Variants in TFEC observed in about 807,000 individuals in gnomAD.
The protein encoded by TFEC is transcription factor EC, also known as class E basic helix-loop-helix protein 34.
In TFEC, 31 loss-of-function variants were observed where a neutral mutation model predicts 41.6. The ratio of observed to expected loss-of-function variants is 0.74; its 90% CI spans 0.56 to 1.01. TFEC has a LOEUF of 1.01. TFEC is among the 50% of genes least tolerant of loss of function. The pLI is 0.00. For missense variants in TFEC, 402 were observed against 404.1 expected (o/e 0.99, Z 0.04); for synonymous variants, 143 against 140.6 (o/e 1.02, Z -0.12).
rs772907166 is a variant in TFEC, at chr7:115,940,755, T to C, written c.840A>G (p.Ile280Met). ...GPSPELCDQA[I>M]AFSDPLSYFT... ...AGTATGACAAAGGATCAGAAAAGGC[T>C]ATAGCTTGATCACAGAGCTCAGGGC... Residue 280 changes from isoleucine to methionine, a missense_variant, in exon 8 of 8, where the codon ATA becomes ATG. Transcript: ENST00000265440. The C allele has an allele frequency of 1.2e-6, 2 of 1,613,486 alleles. No individual in the cohort carries two copies. Among genetic ancestry groups the C allele is most frequent in the African/African-American group, 1.3e-5 (1 of 74,956 alleles).
At chr7:116,097,532 C>T (rs1797495142) in intron 3 of TFEC, among the ~76,000 whole-genome samples, 3 of 151,988 alleles carry the variant, frequency 2.0e-5, no homozygotes, top group South Asian at 2.1e-4. Context: ...AATCTGATAA[C>T]GAAAATGGCT....
chr7:116,029,324 A>G (rs1016018357), intron 1 of TFEC, among the ~76,000 whole-genome samples: 2 of 152,186 alleles, frequency 1.3e-5, no homozygotes, highest in African/African-American at 4.8e-5. Context: ...TCCATCCAAA[A>G]GTAAAATATT....
intron 1 of TFEC, among the ~76,000 whole-genome samples, chr7:116,148,778 T>C (rs1435956639): frequency 6.6e-6 from 1 of 152,010 alleles, no homozygotes; most frequent in Non-Finnish European, 1.5e-5. Flanking sequence ...AGTTGCACAA[T>C]TTAGTCAGGA....
At chr7:116,108,708 T>C (rs1797777095) in intron 3 of TFEC, among the ~76,000 whole-genome samples, 1 of 152,142 alleles carries the variant, frequency 6.6e-6, no homozygotes, top group African/African-American at 2.4e-5. Flanking sequence ...CTTTCAAAGT[T>C]ACCTACAATA....
At chr7:115,997,523 C>T (rs1794415827) in intron 1 of TFEC, among the ~76,000 whole-genome samples, 1 of 149,912 alleles carries the variant, frequency 6.7e-6, no homozygotes, top group Non-Finnish European at 1.5e-5. Context: ...AAATGAATAC[C>T]TAACTCTTCA....
At chr7:116,140,914 T>C (rs1798527564) in intron 1 of TFEC, among the ~76,000 whole-genome samples, 1 of 152,196 alleles carries the variant, frequency 6.6e-6, no homozygotes, top group African/African-American at 2.4e-5. Context: ...TCTAGCAATC[T>C]TTCTGGGCTG....
chr7:116,078,431 C>A (rs887218573), intron 3 of TFEC, among the ~76,000 whole-genome samples: 4 of 151,630 alleles, frequency 2.6e-5, no homozygotes, highest in Non-Finnish European at 4.4e-5. Context: ...ATTGATAGAC[C>A]ATTAATGAGA....
At chr7:115,984,636 C>T in intron 1 of TFEC, 123 bp from the exon 2 acceptor site, 2 of 1,175,822 alleles carry the variant, frequency 1.7e-6, no homozygotes, top group Non-Finnish European at 2.3e-6. Context: ...TCTCTCCAAT[C>T]TATCGTCCAT....
intron 5 of TFEC, 26 bp downstream of exon 5, chr7:115,954,560 T>C: frequency 6.3e-7 from 1 of 1,595,796 alleles, no homozygotes; most frequent in East Asian, 2.2e-5. Context: ...TTTGCATTAA[T>C]TTTATATGGA....
At chr7:115,945,876 C>A (rs1210555946) in intron 6 of TFEC, among the ~76,000 whole-genome samples, 1 of 151,578 alleles carries the variant, frequency 6.6e-6, no homozygotes, top group African/African-American at 2.4e-5. Context: ...TCATTCATTC[C>A]ATGTTGTCTG....
intron 1 of TFEC, among the ~76,000 whole-genome samples, chr7:116,029,044 C>T (rs1795691637): frequency 6.6e-6 from 1 of 152,006 alleles, no homozygotes; most frequent in African/African-American, 2.4e-5. Context: ...ATGCCGCAGT[C>T]GTTAAAATTA....
intron 1 of TFEC, among the ~76,000 whole-genome samples, chr7:116,155,705 G>A (rs1419899876): frequency 5.9e-5 from 9 of 152,146 alleles, no homozygotes. Flanking sequence ...TGTTTAATCA[G>A]GACTGTTAAC....
chr7:116,029,681 G>A (rs1795720154), intron 1 of TFEC, among the ~76,000 whole-genome samples: 1 of 151,578 alleles, frequency 6.6e-6, no homozygotes, highest in African/African-American at 2.4e-5. Context: ...ATTTATATAA[G>A]CAAATGTATA....
At chr7:115,953,162 G>GTGCAGAAAGAACAGTGGGGGGC (rs71137142) in intron 5 of TFEC, among the ~76,000 whole-genome samples, 13,406 of 151,052 alleles carry the variant, frequency 0.089, 817 homozygotes, top group Non-Finnish European at 0.14. Context: ...GGAATAGGGG[G>GTGCAGAAAGAACAGTGGGGGGC]TGCAGAAAGA....
intron 3 of TFEC, among the ~76,000 whole-genome samples, chr7:116,093,616 T>C (rs1169821875): frequency 6.6e-6 from 1 of 152,324 alleles, no homozygotes; most frequent in East Asian, 1.9e-4. Context: ...GCATATTCTC[T>C]GTGTCACTTC....
intron 3 of TFEC, among the ~76,000 whole-genome samples, chr7:116,092,305 T>TA (rs1209295897): frequency 2.1e-4 from 32 of 152,170 alleles, no homozygotes; most frequent in Admixed American, 2.1e-3. Context: ...TAATACTAGT[T>TA]ACAACTTGAA....
chr7:116,094,725 C>CA lies in TFEC; in HGVS notation c.198+15982dup, dbSNP rs200725632. 6.9e-4 allele frequency among the ~76,000 whole-genome samples: 104 copies of CA among 151,704 alleles called. 1 individual carries two copies. Among genetic ancestry groups the CA allele is most frequent in the African/African-American group, 2.2e-3 (92 of 41,376 alleles). ...AAAACAAACAAACAAAAAACAACAA[C>CA]AAAAAAAACAGAGTACATTGAGATA... On this transcript the variant is annotated intron_variant, in intron 3 of 8. Transcript: ENST00000484212.
At chr7:116,145,305 C>G (rs1316278995) in intron 1 of TFEC, among the ~76,000 whole-genome samples, 1 of 152,118 alleles carries the variant, frequency 6.6e-6, no homozygotes, top group Admixed American at 6.6e-5. Flanking sequence ...ACAAATCTCA[C>G]CCCCACCCCT....
At chr7:116,015,949 C>T (rs920338374) in intron 1 of TFEC, among the ~76,000 whole-genome samples, 17 of 152,120 alleles carry the variant, frequency 1.1e-4, no homozygotes, top group Non-Finnish European at 2.2e-4. Context: ...GAAGCCACTG[C>T]ATCAGGGTTT....
Sources: allele counts gnomAD v4.1 joint callset (sites outside exome capture counted in the v4.1 genomes callset), GRCh38; gene constraint gnomAD v4.1.1; transcripts MANE v1.5; gene names NCBI Gene and HGNC (gene_info 2026-07-23, HGNC 2026-07-21).